The following MAST1 variants were observed in gnomAD, a reference collection of about 807,000 sequenced individuals.
MAST1 encodes microtubule-associated serine/threonine-protein kinase 1.
In MAST1, 40 loss-of-function variants were observed where a neutral mutation model predicts 124.6. The ratio of observed to expected loss-of-function variants is 0.32; its 90% CI spans 0.25 to 0.42. The LOEUF is 0.42. Among genes scored for constraint, MAST1 ranks in the 10% least tolerant of loss-of-function variants. The pLI, the probability that MAST1 is intolerant of heterozygous loss-of-function variation, is 1.00. For synonymous variants in MAST1, 938 were observed against 939.4 expected (o/e 1.00, Z 0.03); for missense variants, 1,558 against 2,181.9 (o/e 0.71, Z 5.70).
rs746576184 is a variant in MAST1 at position 12,841,438 on chromosome 19, G to A, written c.248+372G>A. On this transcript the variant is annotated intron_variant, in intron 3 of 25. Coordinates refer to ENST00000251472, the MANE Select transcript of MAST1 (RefSeq NM_014975.3). This position sits in a 1 kb window ranked among gnomAD's most constrained non-coding sequence, Gnocchi z 4.3. ...GCAGATTGCGCGATGCCTATCGAGG[G>A]ACTCTTGGTCCCCGAGGTGGGGGAG... Among the ~76,000 whole-genome samples the A allele has an allele frequency of 2.0e-5, 3 of 152,278 alleles. No individual in the cohort carries two copies. The highest frequency in any genetic ancestry group is 4.4e-5 in the Non-Finnish European group (3 of 68,048).
chr19:12,845,652 A>ATTTTTTT (rs1219927144), intron 4 of MAST1, among the ~76,000 whole-genome samples: 1 of 130,288 alleles, frequency 7.7e-6, no homozygotes, highest in African/African-American at 3.1e-5. Context: ...TGACCCAGCA[A>ATTTTTTT]TTTTTTTTTT....
In MAST1 at chr19:12,870,849, A is replaced by G. The variant is rs1202090401; in HGVS notation, c.3029A>G (p.Gln1010Arg). The change falls in exon 23 of 26, where the codon CAG (glutamine) becomes CGG (arginine). Residue 1010 changes from glutamine (Q) to arginine (R), a missense_variant. Around this residue, in one of 10 missense-constraint regions of MAST1, gnomAD observed 291 missense variants for 475.8 expected, o/e 0.61. Transcript: ENST00000251472. ...VWHVEEGGPAQEAGLCAGDLI... is the reference protein window; with the variant it reads ...VWHVEEGGPAREAGLCAGDLI... Reference sequence around the variant, plus strand: ...CATGTGGAGGAAGGAGGCCCAGCCCAGGAGGCAGGACTCTGTGCTGGGGAC... The same window carrying G: ...CATGTGGAGGAAGGAGGCCCAGCCCGGGAGGCAGGACTCTGTGCTGGGGAC... The G allele has an allele frequency of 6.2e-7, 1 of 1,612,438 alleles. No homozygotes were observed. The highest frequency in any genetic ancestry group is 1.3e-5 in the African/African-American group (1 of 74,880).
In MAST1 at chr19:12,865,740, G is replaced by C. The variant is rs1756507594; in HGVS notation, c.1828G>C (p.Asp610His). 1 of 1,613,410 alleles carries C rather than the reference G, an allele frequency of 6.2e-7. No homozygotes were observed. Among genetic ancestry groups the C allele is most frequent in the Non-Finnish European group, 8.5e-7 (1 of 1,179,710 alleles). ...AGATGACATCCTGTGGCCCGAGGGG[G>C]ATGAGGCCCTACCTACGGAGGCCCA... ...ISDDILWPEG[D>H]EALPTEAQLL... is the part of the protein sequence containing the mutation. Residue 610 changes from aspartate (D) to histidine (H), a missense_variant, in exon 16 of 26, where the codon GAT becomes CAT. Asp to His is a moderately conservative substitution (Grantham distance 81, BLOSUM62 -1). Coordinates refer to ENST00000251472, the MANE Select transcript of MAST1 (RefSeq NM_014975.3). This position sits in a 1 kb window ranked among gnomAD's most constrained non-coding sequence, Gnocchi z 7.1.
Position 12,843,471 on chromosome 19 carries a change from G to A in MAST1, c.249-58G>A. 1 of 1,403,192 alleles carries A rather than the reference G, an allele frequency of 7.1e-7. No individual in the cohort carries two copies. The highest frequency in any genetic ancestry group is 1.0e-6 in the Non-Finnish European group (1 of 995,202). 86.9% of individuals were successfully genotyped at this position (1,403,192 alleles called of 1,614,324 possible). A position where few individuals can be genotyped will look rare whatever the true frequency, so the allele number is the denominator to read the frequency against. On this transcript the variant is annotated intron_variant, in intron 3 of 25. Coordinates refer to ENST00000251472, the MANE Select transcript of MAST1 (RefSeq NM_014975.3). This position sits in a 1 kb window ranked among gnomAD's most constrained non-coding sequence, Gnocchi z 4.9. ...TGGCCAGTGGCTTCACCCACACCCT[G>A]AGGAGTTGGGGGACCGCTGGGGCCT...
Position 12,867,530 on chromosome 19 carries a change from T to G in MAST1, c.2196T>G (p.Ala732=). Residue 732 remains alanine (A), a synonymous_variant, in exon 19 of 26, where the codon GCT becomes GCG. Transcript: ENST00000251472. ...ACGAGCCCAAGACCCCAGTAGCAGC[T>G]GCAGGGAGCAGCAAGCGGGAGCCGA... is the stretch of plus-strand genomic sequence containing the variant. ...SQHEPKTPVA[A]AGSSKREPST... is the part of the protein sequence containing the mutation. The G allele has an allele frequency of 6.2e-7, 1 of 1,613,716 alleles. No individual in the cohort carries two copies. Among genetic ancestry groups the G allele is most frequent in the Non-Finnish European group, 8.5e-7 (1 of 1,179,982 alleles).
chr19:12,844,220 G>A (rs1969865043), intron 4 of MAST1, among the ~76,000 whole-genome samples: 1 of 152,188 alleles, frequency 6.6e-6, no homozygotes, highest in African/African-American at 2.4e-5. Flanking sequence ...GATATCAGCA[G>A]CTGGGCTGGG....
Position 12,873,472 on chromosome 19 carries a change from A to C in MAST1, c.3412A>C (p.Thr1138Pro). Reference sequence around the variant, plus strand: ...GCACGGGCTGCCGGCGCGCTCGCCCACGCACAGCTACCGCTCCACGCCTGA... The same window carrying C: ...GCACGGGCTGCCGGCGCGCTCGCCCCCGCACAGCTACCGCTCCACGCCTGA... ...PTHGLPARSPTHSYRSTPDSA... is the reference protein window; with the variant it reads ...PTHGLPARSPPHSYRSTPDSA... Residue 1138 changes from threonine (T) to proline (P), a missense_variant, in exon 25 of 26, where the codon ACG becomes CCG. By Grantham distance (38) the Thr-to-Pro change is conservative. This residue lies in a region of MAST1 where 291 missense variants were observed against 475.8 expected (regional missense o/e 0.61). Coordinates refer to ENST00000251472, the MANE Select transcript of MAST1 (RefSeq NM_014975.3). 1 of 1,609,300 alleles carries C rather than the reference A, an allele frequency of 6.2e-7. No homozygotes were observed. Among genetic ancestry groups the C allele is most frequent in the Non-Finnish European group, 8.5e-7 (1 of 1,179,556 alleles).
chr19:12,849,065 T>A (rs1021024204), intron 7 of MAST1: 1 of 152,342 alleles, frequency 6.6e-6, no homozygotes. Flanking sequence ...TCCATCATAC[T>A]GTGTATTTTT....
chr19:12,860,480 C>G (rs1399667590), intron 12 of MAST1, among the ~76,000 whole-genome samples: 1 of 131,258 alleles, frequency 7.6e-6, no homozygotes, highest in Non-Finnish European at 1.6e-5. Flanking sequence ...GAGTCTTGCT[C>G]TGTCACCAGG....
chr19:12,852,353 C>T lies in MAST1; in HGVS notation c.1035C>T (p.Asp345=). 1.2e-6 allele frequency: 2 copies of T among 1,614,102 alleles called. No homozygotes were observed. The highest frequency in any genetic ancestry group is 1.1e-5 in the South Asian group (1 of 91,082). The change falls in exon 10 of 26, where the codon GAC becomes GAT. Residue 345 remains aspartate, a synonymous_variant. Transcript: ENST00000251472. ...FPDVVHLEEQ[D]SGGSNTPEQD... ...ATGTGGTGCATCTGGAGGAACAGGA[C>T]AGTGGTGGTTCCAACACCCCTGAGC...
intron 10 of MAST1, among the ~76,000 whole-genome samples, chr19:12,852,629 G>A (rs1357541386): frequency 2.0e-5 from 3 of 151,130 alleles, no homozygotes; most frequent in East Asian, 3.9e-4. Flanking sequence ...ACCTGAGGTC[G>A]GGAGTTCGAG....
In MAST1 at chr19:12,865,640, T is replaced by C; in HGVS notation, c.1805-77T>C. ...CATGATCGTGCCACTGCACTCCAGC[T>C]GGGTGACACAGTGAGATCCTGTGTC... On this transcript the variant is annotated intron_variant, in intron 15 of 25. Transcript: ENST00000251472. This position sits in a 1 kb window ranked among gnomAD's most constrained non-coding sequence, Gnocchi z 7.1. The C allele has an allele frequency of 1.4e-6, 2 of 1,457,364 alleles. No individual in the cohort carries two copies. Among genetic ancestry groups the C allele is most frequent in the Non-Finnish European group, 1.9e-6 (2 of 1,058,378 alleles). 90.3% of individuals were successfully genotyped at this position (1,457,364 alleles called of 1,614,324 possible).
chr19:12,840,933 G>C, intron 2 of MAST1, 58 bp from the exon 3 acceptor site: 1 of 788,096 alleles, frequency 1.3e-6, no homozygotes, highest in Non-Finnish European at 2.4e-6. Context: ...GCTGCTGTTT[G>C]CACGCCGCTT....
chr19:12,847,828 C>T lies in MAST1; in HGVS notation c.565-20C>T. Reference sequence around the variant, plus strand: ...AGCCTTCGGGCACAGCCCCGCGCCCCTCCTCCGTCCCTCCCGCAGGCCACT... The same window carrying T: ...AGCCTTCGGGCACAGCCCCGCGCCCTTCCTCCGTCCCTCCCGCAGGCCACT... On this transcript the variant is annotated intron_variant, in intron 6 of 25. Coordinates refer to ENST00000251472, the MANE Select transcript of MAST1 (RefSeq NM_014975.3). This position sits in a 1 kb window ranked among gnomAD's most constrained non-coding sequence, Gnocchi z 5.5. The T allele has an allele frequency of 6.2e-7, 1 of 1,600,044 alleles. No homozygotes were observed. Among genetic ancestry groups the T allele is most frequent in the Non-Finnish European group, 8.5e-7 (1 of 1,173,158 alleles).
chr19:12,873,593 C>T lies in MAST1; in HGVS notation c.3452-16C>T. The T allele has an allele frequency of 6.3e-7, 1 of 1,580,074 alleles. No homozygotes were observed. Among genetic ancestry groups the T allele is most frequent in the African/African-American group, 1.3e-5 (1 of 74,672 alleles). On this transcript the variant is annotated splice_polypyrimidine_tract_variant and intron_variant, in intron 25 of 25. Coordinates refer to ENST00000251472, the MANE Select transcript of MAST1 (RefSeq NM_014975.3). ...CTTGGGCTGTACTCACTCGCTTCAC[C>T]TCCTGTCTCCCGCAGGCGCCTCATC...
intron 12 of MAST1, among the ~76,000 whole-genome samples, chr19:12,859,461 A>G (rs1970053986): frequency 6.6e-6 from 1 of 152,072 alleles, no homozygotes; most frequent in South Asian, 2.1e-4. Context: ...ATCACAGCTC[A>G]CTGCAGCCTC....
At chr19:12,845,315 C>T (rs901918831) in intron 4 of MAST1, among the ~76,000 whole-genome samples, 2 of 147,490 alleles carry the variant, frequency 1.4e-5, no homozygotes, top group Non-Finnish European at 3.0e-5. Flanking sequence ...TGGCTCACAC[C>T]TGTATTCCCA....
At position 12,868,848 on chromosome 19, in the gene MAST1, A is replaced by C. The variant is rs760423747; in HGVS notation, c.2772A>C (p.Ala924=). The C allele has an allele frequency of 2.0e-5, 32 of 1,573,058 alleles. No individual in the cohort carries two copies. Among genetic ancestry groups the C allele is most frequent in the Admixed American group, 1.1e-4 (6 of 56,698 alleles). The change falls in exon 21 of 26, where the codon GCA becomes GCC. Residue 924 remains alanine, a splice_region_variant and synonymous_variant. Coordinates refer to ENST00000251472, the MANE Select transcript of MAST1 (RefSeq NM_014975.3). ...CTGCCTTATCTGTCATGATTCCTGC[A>C]GGTAATGCTGGGCCCCACCTGGCAG... The part of the protein sequence containing the change: ...SATALSVMIP[A]VDPHGSSPLA...
At position 12,867,439 on chromosome 19, in the gene MAST1, C is replaced by G. The variant is rs771042248; in HGVS notation, c.2140-35C>G. On this transcript the variant is annotated intron_variant, in intron 18 of 25. Coordinates refer to ENST00000251472, the MANE Select transcript of MAST1 (RefSeq NM_014975.3). ...GATTAGCTCCGGAGTGAAAGTGGAACCCGGGCTGGACTTGCCTCCCACCAC... is the reference window on the plus strand; with the variant it reads ...GATTAGCTCCGGAGTGAAAGTGGAAGCCGGGCTGGACTTGCCTCCCACCAC... The G allele has an allele frequency of 3.1e-6, 5 of 1,609,758 alleles. No homozygotes were observed. In the African/African-American group the frequency reaches 6.7e-5, roughly 21 times the overall value.
Sources: gnomAD v4.1 joint callset for allele counts (sites outside exome capture counted in the v4.1 genomes callset) on GRCh38, gnomAD v4.1.1 for gene constraint, gnomAD v4.1.1 regional missense constraint, Gnocchi (gnomAD v3.1) non-coding constraint, MANE v1.5 for transcripts, NCBI Gene and HGNC (gene_info 2026-07-23, HGNC 2026-07-21) for gene names.